PCDH9: variants seen among roughly 807,000 people sequenced by gnomAD.
PCDH9 encodes the protein protocadherin 9.
A neutral mutation model predicts 70.6 loss-of-function variants in PCDH9; 24 were observed. The observed-to-expected ratio is 0.34, with a 90% CI of 0.25 to 0.48. The LOEUF is 0.48. Ranked by LOEUF, PCDH9 falls within the 20% of genes least tolerant of loss-of-function variation. PCDH9 has a pLI of 0.99. For missense variants in PCDH9, 1,281 were observed against 1,503.6 expected (o/e 0.85, Z 2.45); for synonymous variants, 562 against 558.5 (o/e 1.01, Z -0.09).
At chr13:66,864,826 A>T (rs1433712049) in intron 3 of PCDH9, among the ~76,000 whole-genome samples, 2 of 152,358 alleles carry the variant, frequency 1.3e-5, no homozygotes, top group East Asian at 3.9e-4. Flanking sequence ...AAATGCAAAT[A>T]AACTTGAAAG....
At chr13:66,392,735 A>G (rs1957040639) in intron 4 of PCDH9, among the ~76,000 whole-genome samples, 1 of 152,168 alleles carries the variant, frequency 6.6e-6, no homozygotes, top group Admixed American at 6.6e-5. Context: ...ACTTTAGGTT[A>G]CACTGCATAA....
intron 3 of PCDH9, among the ~76,000 whole-genome samples, chr13:66,670,857 A>G (rs1278560420): frequency 6.6e-6 from 1 of 151,114 alleles, no homozygotes; most frequent in Non-Finnish European, 1.5e-5. Context: ...GAGATGATTA[A>G]GTAAAGATGA....
intron 2 of PCDH9, among the ~76,000 whole-genome samples, chr13:66,977,122 A>G (rs1320556521): frequency 1.3e-5 from 2 of 152,116 alleles, no homozygotes; most frequent in Non-Finnish European, 2.9e-5. Context: ...GATTATCTTT[A>G]TACTTCTCCC....
At chr13:66,380,536 C>CTTTTTT (rs59830525) in intron 4 of PCDH9, among the ~76,000 whole-genome samples, 1 of 53,394 alleles carries the variant, frequency 1.9e-5, no homozygotes, top group African/African-American at 6.3e-5. Context: ...AGATCTTGTC[C>CTTTTTT]TTTTTTTTTT....
chr13:66,727,780 A>G (rs746411135), intron 3 of PCDH9, among the ~76,000 whole-genome samples: 39 of 152,196 alleles, frequency 2.6e-4, no homozygotes, highest in Middle Eastern at 3.4e-3. Flanking sequence ...ACTAGGTACA[A>G]AATAAAAAGA....
intron 2 of PCDH9, among the ~76,000 whole-genome samples, chr13:67,171,105 C>G (rs1388324448): frequency 1.3e-5 from 2 of 152,108 alleles, no homozygotes; most frequent in Non-Finnish European, 2.9e-5. Flanking sequence ...TACCGAAATC[C>G]ATTTACCATG....
intron 4 of PCDH9, among the ~76,000 whole-genome samples, chr13:66,363,198 A>G (rs1956500200): frequency 6.6e-6 from 1 of 152,128 alleles, no homozygotes; most frequent in Non-Finnish European, 1.5e-5. Flanking sequence ...AGAAAAAGAG[A>G]TACAACTTGT....
In PCDH9 at chr13:66,600,464, T is replaced by G. The variant is rs182156419; in HGVS notation, c.3340+30746A>C. Among the ~76,000 whole-genome samples the G allele has an allele frequency of 2.6e-3, 401 of 152,060 alleles. 5 individuals carry two copies. Among genetic ancestry groups the G allele is most frequent in the Non-Finnish European group, 2.9e-3 (200 of 67,884 alleles). On this transcript the variant is annotated intron_variant, in intron 4 of 4. Transcript: ENST00000377865. Reference sequence around the variant, plus strand: ...TGTTTTTCTTGTGTTTCTAATAAGCTGACAAAACATAATACAAACTAAAAG... The same window carrying G: ...TGTTTTTCTTGTGTTTCTAATAAGCGGACAAAACATAATACAAACTAAAAG...
At chr13:66,772,157 G>A (rs925971491) in intron 3 of PCDH9, among the ~76,000 whole-genome samples, 5 of 152,094 alleles carry the variant, frequency 3.3e-5, no homozygotes, top group African/African-American at 1.2e-4. Flanking sequence ...GAAGCCACCT[G>A]GCACATGCAA....
At chr13:67,093,209 C>G (rs1003535338) in intron 2 of PCDH9, among the ~76,000 whole-genome samples, 2 of 152,138 alleles carry the variant, frequency 1.3e-5, no homozygotes, top group Non-Finnish European at 2.9e-5. Flanking sequence ...AATTCCAGCC[C>G]TTTGGGAAGC....
chr13:66,980,726 C>CTTTTTTTTTTTTTTTT (rs1327800250), intron 2 of PCDH9, among the ~76,000 whole-genome samples: 61 of 33,292 alleles, frequency 1.8e-3, no homozygotes, highest in Non-Finnish European at 2.9e-3. Flanking sequence ...CTGTTTTTTT[C>CTTTTTTTTTTTTTTTT]TTTGTTTTTT....
chr13:66,707,718 A>G (rs1460442295), intron 3 of PCDH9, among the ~76,000 whole-genome samples: 1 of 152,242 alleles, frequency 6.6e-6, no homozygotes, highest in Non-Finnish European at 1.5e-5. Context: ...TTTTGTGTAC[A>G]AGGAAAATAT....
chr13:67,125,525 A>G (rs1391804012), intron 2 of PCDH9, among the ~76,000 whole-genome samples: 2 of 152,186 alleles, frequency 1.3e-5, no homozygotes, highest in African/African-American at 2.4e-5. Context: ...CAGCATAATT[A>G]TGAACATGGT....
intron 4 of PCDH9, among the ~76,000 whole-genome samples, chr13:66,534,784 T>C (rs1960620121): frequency 1.3e-5 from 2 of 152,142 alleles, no homozygotes; most frequent in Non-Finnish European, 2.9e-5. Context: ...GTAGTATACA[T>C]CAAGGCCGAC....
intron 3 of PCDH9, among the ~76,000 whole-genome samples, chr13:66,728,249 A>G (rs1414393410): frequency 6.6e-6 from 1 of 152,140 alleles, no homozygotes; most frequent in Admixed American, 6.5e-5. Context: ...GCATTATTTT[A>G]AACTTAGGTT....
intron 3 of PCDH9, among the ~76,000 whole-genome samples, chr13:66,805,275 G>T (rs557185360): frequency 6.6e-6 from 1 of 152,234 alleles, no homozygotes; most frequent in East Asian, 1.9e-4. Flanking sequence ...TAGAGATATT[G>T]TTGAGTCCTA....
chr13:66,917,881 A>C (rs922800979), intron 2 of PCDH9, among the ~76,000 whole-genome samples: 5 of 151,322 alleles, frequency 3.3e-5, no homozygotes, highest in African/African-American at 2.4e-5. Context: ...CCCTACATAC[A>C]GGACATAATC....
At chr13:66,824,928 G>C (rs138072000) in intron 3 of PCDH9, among the ~76,000 whole-genome samples, 2 of 151,582 alleles carry the variant, frequency 1.3e-5, no homozygotes, top group African/African-American at 4.8e-5. Flanking sequence ...TCGTGTCCCA[G>C]TGCCAGGTAT....
At chr13:66,579,805 A>C (rs1025205226) in intron 4 of PCDH9, among the ~76,000 whole-genome samples, 7 of 152,052 alleles carry the variant, frequency 4.6e-5, no homozygotes, top group African/African-American at 1.7e-4. Flanking sequence ...AACATGATAA[A>C]GGTAGAATTC....
Sources: gnomAD v4.1 joint callset for allele counts (sites outside exome capture counted in the v4.1 genomes callset) on GRCh38, gnomAD v4.1.1 for gene constraint, MANE v1.5 for transcripts, NCBI Gene and HGNC (gene_info 2026-07-23, HGNC 2026-07-21) for gene names.